PTPRD: variants seen among roughly 807,000 people sequenced by gnomAD.
The protein encoded by PTPRD is protein tyrosine phosphatase receptor type D.
A neutral mutation model predicts 214.5 loss-of-function variants in PTPRD; 34 were observed. That is an observed-to-expected ratio of 0.16 (90% CI 0.12 to 0.21). The LOEUF is 0.21. PTPRD is among the 10% of genes least tolerant of loss of function. PTPRD has a pLI of 1.00. For missense variants in PTPRD, 2,545 were observed against 2,398.7 expected (o/e 1.06, Z -1.27); for synonymous variants, 1,128 against 845.7 (o/e 1.33, Z -5.79).
chr9:9,370,687 G>C (rs950533310), intron 9 of PTPRD, among the ~76,000 whole-genome samples: 1 of 151,984 alleles, frequency 6.6e-6, no homozygotes, highest in East Asian at 1.9e-4. Flanking sequence ...CCTGTCTTGT[G>C]CCAGTTTTCA....
chr9:8,398,983 T>C (rs918140090), intron 36 of PTPRD, among the ~76,000 whole-genome samples: 1 of 152,116 alleles, frequency 6.6e-6, no homozygotes, highest in African/African-American at 2.4e-5. Flanking sequence ...GCATATTACA[T>C]ACTAGGTTTA....
intron 5 of PTPRD, among the ~76,000 whole-genome samples, chr9:9,783,275 G>A (rs10816179): frequency 0.31 from 47,112 of 151,766 alleles, 7,950 homozygotes; most frequent in East Asian, 0.71. Flanking sequence ...GTTTTAAAGT[G>A]AGCGTATTAT....
chr9:8,558,858 G>T (rs866912615), intron 14 of PTPRD, among the ~76,000 whole-genome samples: 14 of 152,206 alleles, frequency 9.2e-5, no homozygotes, highest in African/African-American at 3.1e-4. Flanking sequence ...ACAAAATGGT[G>T]CTTGGCATTC....
At chr9:8,713,175 G>A in intron 12 of PTPRD, 1 of 563,660 alleles carries the variant, frequency 1.8e-6, no homozygotes, top group Non-Finnish European at 3.1e-6. Context: ...ATAACTGTCA[G>A]TGCCAGAATT....
At chr9:8,798,011 A>C (rs2096483642) in intron 11 of PTPRD, among the ~76,000 whole-genome samples, 1 of 152,094 alleles carries the variant, frequency 6.6e-6, no homozygotes, top group African/African-American at 2.4e-5. Flanking sequence ...TCTATCTTGC[A>C]AGAGAAATGG....
intron 14 of PTPRD, among the ~76,000 whole-genome samples, chr9:8,625,936 T>C (rs2096015623): frequency 1.3e-5 from 2 of 151,638 alleles, no homozygotes; most frequent in Admixed American, 6.6e-5. Flanking sequence ...TGTGTCATCA[T>C]AGTTGTGTTT....
intron 11 of PTPRD, among the ~76,000 whole-genome samples, chr9:8,755,503 TG>T (rs2093922625): frequency 6.9e-6 from 1 of 144,430 alleles, no homozygotes. Context: ...CACTCCAGCC[TG>T]GGCAACAAGA....
intron 7 of PTPRD, among the ~76,000 whole-genome samples, chr9:9,719,549 G>A (rs992639714): frequency 4.5e-5 from 5 of 111,804 alleles, no homozygotes; most frequent in African/African-American, 3.1e-4. Flanking sequence ...AAGCAGCAGC[G>A]AGGCAAGCCA....
chr9:10,467,589 C>T (rs975596623), intron 2 of PTPRD, among the ~76,000 whole-genome samples: 8 of 152,004 alleles, frequency 5.3e-5, no homozygotes, highest in African/African-American at 1.9e-4. Context: ...CGTGTGTGTA[C>T]ATGTGTGATA....
rs139863597 is a variant in PTPRD at position 9,559,200 on chromosome 9, G to A, written c.-237+15532C>T. 2.5e-3 allele frequency among the ~76,000 whole-genome samples: 379 copies of A among 152,138 alleles called. 2 individuals carry two copies. The highest frequency in any genetic ancestry group is 4.3e-3 in the Non-Finnish European group (294 of 67,984). ...GGTTACCCATCAACACACCCATCCC[G>A]CTATAGGGTAAGTTGTCTACAGGAT... is the stretch of plus-strand genomic sequence containing the variant. On this transcript the variant is annotated intron_variant, in intron 8 of 45. Coordinates refer to ENST00000381196, the MANE Select transcript of PTPRD (RefSeq NM_002839.4).
chr9:9,285,095 T>C (rs2133805218), intron 9 of PTPRD, among the ~76,000 whole-genome samples: 1 of 151,878 alleles, frequency 6.6e-6, no homozygotes, highest in African/African-American at 2.4e-5. Flanking sequence ...ATATAAAACC[T>C]CACATATTTG....
chr9:9,081,492 C>G lies in PTPRD; in HGVS notation c.-142-62757G>C, dbSNP rs559401570. On this transcript the variant is annotated intron_variant, in intron 10 of 45. Transcript: ENST00000381196. Reference sequence around the variant, plus strand: ...TTCTGTTGATTTTGGGTGGAGAATTCTGTAGATGTCTACTAGGTCTTCTTC... The same window carrying G: ...TTCTGTTGATTTTGGGTGGAGAATTGTGTAGATGTCTACTAGGTCTTCTTC... Among the ~76,000 whole-genome samples the G allele has an allele frequency of 4.6e-5, 7 of 152,230 alleles. No individual in the cohort carries two copies. The East Asian group carries it at 1.4e-3, about 29-fold the overall frequency.
chr9:9,619,639 A>AT, intron 7 of PTPRD, among the ~76,000 whole-genome samples: 1 of 145,552 alleles, frequency 6.9e-6, no homozygotes, highest in South Asian at 2.1e-4. Flanking sequence ...ATATGTTAAT[A>AT]TTTATATTGT....
intron 3 of PTPRD, among the ~76,000 whole-genome samples, chr9:10,049,035 T>C (rs1365072801): frequency 2.0e-5 from 3 of 151,844 alleles, no homozygotes; most frequent in Non-Finnish European, 4.4e-5. Context: ...TGGATAAAGA[T>C]GAGGTTTGAG....
At chr9:8,415,703 G>T (rs1380615153) in intron 35 of PTPRD, among the ~76,000 whole-genome samples, 1 of 152,102 alleles carries the variant, frequency 6.6e-6, no homozygotes, top group East Asian at 1.9e-4. Context: ...TGCTGTGTCA[G>T]TTAGTAGGAG....
chr9:9,891,557 G>C (rs1200015101), intron 5 of PTPRD, among the ~76,000 whole-genome samples: 1 of 151,976 alleles, frequency 6.6e-6, no homozygotes, highest in Non-Finnish European at 1.5e-5. Context: ...TTTTTTGACA[G>C]TACTTTCAGA....
At chr9:10,245,089 C>T (rs1328873983) in intron 3 of PTPRD, among the ~76,000 whole-genome samples, 1 of 152,162 alleles carries the variant, frequency 6.6e-6, no homozygotes, top group East Asian at 1.9e-4. Context: ...TAAAGTTTGA[C>T]ATTTTACATA....
At chr9:8,932,974 T>C (rs2098963531) in intron 11 of PTPRD, among the ~76,000 whole-genome samples, 1 of 152,138 alleles carries the variant, frequency 6.6e-6, no homozygotes, top group East Asian at 1.9e-4. Flanking sequence ...AGTTTTGTGC[T>C]TGAAACCCAG....
At chr9:9,703,180 A>T (rs1249987589) in intron 7 of PTPRD, among the ~76,000 whole-genome samples, 4 of 151,918 alleles carry the variant, frequency 2.6e-5, no homozygotes, top group Non-Finnish European at 5.9e-5. Context: ...CCTCCCTCAC[A>T]CACTCTTGCT....
Sources: gnomAD v4.1 joint callset for allele counts (sites outside exome capture counted in the v4.1 genomes callset) on GRCh38, gnomAD v4.1.1 for gene constraint, MANE v1.5 for transcripts, NCBI Gene and HGNC (gene_info 2026-07-23, HGNC 2026-07-21) for gene names.